Variants in EML6 observed in about 807,000 individuals in gnomAD.
The protein encoded by EML6 is EMAP like 6.
A neutral mutation model predicts 240.1 loss-of-function variants in EML6; 154 were observed. That is an observed-to-expected ratio of 0.64 (90% CI 0.56 to 0.73). The LOEUF is 0.73. Ranked by LOEUF, EML6 falls within the 30% of genes least tolerant of loss-of-function variation. The pLI is 0.00. For synonymous variants in EML6, 1,148 were observed against 899.0 expected (o/e 1.28, Z -4.95); for missense variants, 2,964 against 2,474.6 (o/e 1.20, Z -4.20).
chr2:54,723,986 G>A (rs1039115980), intron 1 of EML6, among the ~76,000 whole-genome samples: 1 of 152,214 alleles, frequency 6.6e-6, no homozygotes, highest in South Asian at 2.1e-4. Context: ...TCCACGCTGG[G>A]CTCAGGGCAG....
intron 12 of EML6, among the ~76,000 whole-genome samples, chr2:54,861,769 G>GTTT (rs761153394): frequency 4.9e-5 from 6 of 121,962 alleles, no homozygotes; most frequent in Admixed American, 3.2e-4. Context: ...GAGGTTTTTT[G>GTTT]TTTTTTTTTT....
chr2:54,799,582 A>T (rs1293665727), intron 2 of EML6, among the ~76,000 whole-genome samples: 1 of 152,122 alleles, frequency 6.6e-6, no homozygotes, highest in Non-Finnish European at 1.5e-5. Flanking sequence ...TGACCTCGTG[A>T]TTCACCCGCC....
intron 2 of EML6, among the ~76,000 whole-genome samples, chr2:54,736,855 C>T (rs969545682): frequency 2.0e-5 from 3 of 152,110 alleles, no homozygotes; most frequent in African/African-American, 2.4e-5. Context: ...AAATGCATGG[C>T]GTCAATCTAA....
At chr2:54,872,494 G>T (rs995710001) in intron 16 of EML6, among the ~76,000 whole-genome samples, 1 of 152,074 alleles carries the variant, frequency 6.6e-6, no homozygotes, top group South Asian at 2.1e-4. Context: ...TAGTCATGCT[G>T]GTCTCTAATT....
chr2:54,957,741 T>C (rs1307401423), intron 32 of EML6, 49 bp from the exon 33 acceptor site: 2 of 1,527,100 alleles, frequency 1.3e-6, no homozygotes, highest in Non-Finnish European at 8.9e-7. Flanking sequence ...TCCCCCGGCC[T>C]GGCCCATGAA....
chr2:54,950,621 G>C, intron 29 of EML6, 29 bp from the exon 30 acceptor site: 1 of 1,550,448 alleles, frequency 6.4e-7, no homozygotes, highest in Non-Finnish European at 8.7e-7. Context: ...TCCTCTGAGG[G>C]TCACATTGAT....
At chr2:54,876,622 C>G (rs112987148) in intron 16 of EML6, among the ~76,000 whole-genome samples, 38 of 152,152 alleles carry the variant, frequency 2.5e-4, no homozygotes, top group Non-Finnish European at 4.9e-4. Flanking sequence ...CAAAAGAAAA[C>G]ATGAAATATA....
At chr2:54,905,334 AC>A (rs1219762859) in intron 24 of EML6, among the ~76,000 whole-genome samples, 5 of 63,052 alleles carry the variant, frequency 7.9e-5, no homozygotes, top group Admixed American at 4.1e-4. Flanking sequence ...ACACACACAC[AC>A]ACACACACAC....
intron 9 of EML6, among the ~76,000 whole-genome samples, chr2:54,849,513 G>T (rs901084997): frequency 1.3e-5 from 2 of 152,172 alleles, no homozygotes; most frequent in Non-Finnish European, 2.9e-5. Context: ...TTTTAAGACG[G>T]AGTCTTGCTC....
chr2:54,907,157 A>G (rs749511322), intron 24 of EML6, among the ~76,000 whole-genome samples: 12 of 152,166 alleles, frequency 7.9e-5, no homozygotes, highest in African/African-American at 9.7e-5. Context: ...TAGAAAGGGT[A>G]TTTTCTAAAT....
intron 5 of EML6, among the ~76,000 whole-genome samples, chr2:54,827,357 G>T (rs1189529354): frequency 1.3e-5 from 2 of 152,156 alleles, no homozygotes; most frequent in African/African-American, 4.8e-5. Context: ...AGTTTTAAAA[G>T]TGTTGTTATA....
intron 5 of EML6, among the ~76,000 whole-genome samples, chr2:54,821,927 A>C (rs1392425189): frequency 6.7e-6 from 1 of 150,202 alleles, no homozygotes; most frequent in Non-Finnish European, 1.5e-5. Context: ...TGTAAAAGCA[A>C]AGAAATCGTA....
chr2:54,845,572 T>A (rs900882398), intron 8 of EML6, among the ~76,000 whole-genome samples: 2 of 152,232 alleles, frequency 1.3e-5, no homozygotes, highest in African/African-American at 4.8e-5. Flanking sequence ...TTGAGAAAGA[T>A]GAGCATAGTG....
chr2:54,937,555 A>T (rs925596506), intron 28 of EML6, among the ~76,000 whole-genome samples: 3 of 13,766 alleles, frequency 2.2e-4, no homozygotes, highest in East Asian at 1.2e-3. Flanking sequence ...TCTGTCTTTA[A>T]AAAAAAAAAA....
chr2:54,801,464 G>C (rs188910339), intron 2 of EML6, among the ~76,000 whole-genome samples: 1 of 152,290 alleles, frequency 6.6e-6, no homozygotes, highest in South Asian at 2.1e-4. Context: ...AGGGATACTC[G>C]TGTCAAAGTA....
intron 2 of EML6, among the ~76,000 whole-genome samples, chr2:54,740,731 A>G (rs950237490): frequency 4.0e-5 from 6 of 151,708 alleles, no homozygotes; most frequent in African/African-American, 7.3e-5. Flanking sequence ...TCTTGGGACA[A>G]TAAGAGATAT....
At chr2:54,854,274 G>A (rs572402034) in intron 11 of EML6, among the ~76,000 whole-genome samples, 99 of 152,274 alleles carry the variant, frequency 6.5e-4, no homozygotes, top group African/African-American at 2.4e-3. Flanking sequence ...TCATGGTTGT[G>A]GTGATAATAG....
intron 2 of EML6, among the ~76,000 whole-genome samples, chr2:54,765,743 A>G (rs528778408): frequency 6.6e-6 from 1 of 152,356 alleles, no homozygotes; most frequent in African/African-American, 2.4e-5. Flanking sequence ...TACAGGCGTC[A>G]TGCATTCTTT....
intron 28 of EML6, among the ~76,000 whole-genome samples, chr2:54,934,908 T>A (rs976149837): frequency 6.6e-6 from 1 of 152,244 alleles, no homozygotes; most frequent in African/African-American, 2.4e-5. Flanking sequence ...GGGAAAGATA[T>A]ATCAATTAAA....
Sources: gnomAD v4.1 joint callset for allele counts (sites outside exome capture counted in the v4.1 genomes callset) on GRCh38, gnomAD v4.1.1 for gene constraint, MANE v1.5 for transcripts, NCBI Gene and HGNC (gene_info 2026-07-23, HGNC 2026-07-21) for gene names.